ZNF160: variants seen among roughly 807,000 people sequenced by gnomAD.
The protein encoded by ZNF160 is zinc finger protein 160, also known as KRAB zinc finger protein KR18.
Under a neutral mutation model 13.1 loss-of-function variants are expected in ZNF160, and 9 were observed. The ratio of observed to expected loss-of-function variants is 0.69; its 90% CI spans 0.41 to 1.20. The LOEUF (loss-of-function observed/expected upper bound fraction) is 1.20. Ranked by LOEUF, ZNF160 falls within the 50% of genes most tolerant of loss-of-function variation. The pLI is 0.01. For synonymous variants in ZNF160, 293 were observed against 333.2 expected, an observed-to-expected ratio of 0.88 and a Z score of 1.31; for missense variants, 838 against 988.0, an observed-to-expected ratio of 0.85 and a Z score of 2.04.
intron 3 of ZNF160, among the ~76,000 whole-genome samples, chr19:53,079,549 T>TAA (rs56752437): frequency 4.0e-5 from 4 of 100,384 alleles, no homozygotes; most frequent in East Asian, 3.1e-4. Context: ...AAACTCCATC[T>TAA]AAAAAAAAAA....
chr19:53,074,359 A>C, intron 4 of ZNF160, 91 bp from the exon 5 acceptor site: 2 of 1,528,312 alleles, frequency 1.3e-6, no homozygotes, highest in Non-Finnish European at 1.8e-6. Flanking sequence ...ATGTGGATCT[A>C]AGAAAACTTC....
intron 2 of ZNF160, among the ~76,000 whole-genome samples, chr19:53,088,844 C>T (rs1371919247): frequency 2.0e-5 from 3 of 152,144 alleles, no homozygotes; most frequent in African/African-American, 4.8e-5. Context: ...TCAATTCTGA[C>T]ACCGTCTACA....
Position 53,085,215 on chromosome 19 carries a change from T to G in ZNF160, c.15+1047A>C. On this transcript the variant is annotated intron_variant, in intron 3 of 5. Transcript: ENST00000683776. ...AAGGATGTAGAAAAGTGAGCTCCTG[T>G]TTCCTAACACGAAAACATGTCAATG... The G allele has an allele frequency of 4.1e-6, 4 of 985,416 alleles. No homozygotes were observed. In the South Asian group the frequency reaches 1.9e-4, roughly 46 times the overall value. 61.0% of individuals were successfully genotyped at this position (985,416 alleles called of 1,614,324 possible).
intron 2 of ZNF160, among the ~76,000 whole-genome samples, chr19:53,090,253 C>G (rs1005610833): frequency 6.6e-6 from 1 of 152,108 alleles, no homozygotes; most frequent in East Asian, 1.9e-4. Flanking sequence ...GAGCCTCCCC[C>G]TTTCTGCCCC....
At chr19:53,076,121 C>T (rs2084377837) in intron 3 of ZNF160, among the ~76,000 whole-genome samples, 2 of 152,172 alleles carry the variant, frequency 1.3e-5, no homozygotes, top group Non-Finnish European at 2.9e-5. Flanking sequence ...GCATTAAGGA[C>T]TTTTGAGCAA....
Position 53,069,419 on chromosome 19 carries a change from T to C in ZNF160, c.1115A>G (p.Asn372Ser). The change falls in exon 6 of 6, where the codon AAT becomes AGT. Residue 372 changes from asparagine (N) to serine (S), a missense_variant. Physicochemically the swap from Asn to Ser is conservative, Grantham distance 46. This residue lies in a region of ZNF160 where 400 missense variants were observed against 538.9 expected (regional missense o/e 0.74). Transcript: ENST00000683776. This position sits in a 1 kb window ranked among gnomAD's most constrained non-coding sequence, Gnocchi z 4.4. ...IHTGEKPFKC[N>S]ECGKLFTQNS... Reference sequence around the variant, plus strand: ...TTGAGTGAAGAGCTTGCCACATTCATTACATTTGAACGGTTTTTCTCCAGT... The same window carrying C: ...TTGAGTGAAGAGCTTGCCACATTCACTACATTTGAACGGTTTTTCTCCAGT... The C allele has an allele frequency of 6.2e-7, 1 of 1,614,134 alleles. No homozygotes were observed. The highest frequency in any genetic ancestry group is 8.5e-7 in the Non-Finnish European group (1 of 1,180,028).
chr19:53,075,367 T>C, intron 3 of ZNF160, 184 bp from the exon 4 acceptor site: 1 of 651,146 alleles, frequency 1.5e-6, no homozygotes, highest in Non-Finnish European at 2.6e-6. Flanking sequence ...AAGAGCTCAC[T>C]TGAAATCAGT....
intron 2 of ZNF160, among the ~76,000 whole-genome samples, chr19:53,087,853 A>G (rs375709332): frequency 1.7e-4 from 26 of 152,336 alleles, no homozygotes; most frequent in African/African-American, 6.3e-4. Context: ...TGCCCAGCCA[A>G]GAAGTCACTT....
At chr19:53,086,159 A>ACATGTCAGG in intron 3 of ZNF160, 103 bp downstream of exon 3, 1 of 1,395,512 alleles carries the variant, frequency 7.2e-7, no homozygotes, top group Non-Finnish European at 1.0e-6. Context: ...GTGCTAGCAA[A>ACATGTCAGG]CATGTCAGGC....
chr19:53,093,235 T>C (rs1410468377), intron 1 of ZNF160, among the ~76,000 whole-genome samples: 1 of 151,460 alleles, frequency 6.6e-6, no homozygotes, highest in African/African-American at 2.4e-5. Flanking sequence ...AGGTCAGGAG[T>C]TCAAAACAAG....
chr19:53,070,373 G>T, intron 5 of ZNF160, 111 bp from the exon 6 acceptor site: 2 of 1,138,180 alleles, frequency 1.8e-6, no homozygotes. Context: ...AACAGACTTT[G>T]GAACTTCAGA....
chr19:53,086,771 TA>T (rs34650344), intron 2 of ZNF160, among the ~76,000 whole-genome samples: 12,951 of 152,214 alleles, frequency 0.085, 698 homozygotes, highest in South Asian at 0.14. Context: ...AGCTGGGCTC[TA>T]AAACACTGAA....
chr19:53,074,109 T>C (rs774992605), intron 5 of ZNF160, 31 bp downstream of exon 5: 6 of 1,607,490 alleles, frequency 3.7e-6, no homozygotes, highest in Middle Eastern at 1.7e-4. Flanking sequence ...AGTTAATGAG[T>C]GGCCTTCTCT....
intron 2 of ZNF160, chr19:53,091,116 A>T (rs2085019051): frequency 6.6e-6 from 1 of 152,252 alleles, no homozygotes; most frequent in Non-Finnish European, 1.5e-5. Context: ...ATCCCAGCCG[A>T]AGCGGGAGGA....
At chr19:53,090,729 G>T (rs1214163122) in intron 2 of ZNF160, among the ~76,000 whole-genome samples, 1 of 152,150 alleles carries the variant, frequency 6.6e-6, no homozygotes, top group Non-Finnish European at 1.5e-5. Context: ...GGAGGGGTGG[G>T]ATCTGTGGAA....
At chr19:53,080,394 C>T (rs1029692754) in intron 3 of ZNF160, among the ~76,000 whole-genome samples, 7 of 152,112 alleles carry the variant, frequency 4.6e-5, no homozygotes, top group South Asian at 2.1e-4. Context: ...CCACTGTGCC[C>T]GGCCCAGTCA....
intron 3 of ZNF160, among the ~76,000 whole-genome samples, chr19:53,082,756 G>A (rs577504543): frequency 9.9e-5 from 15 of 152,272 alleles, no homozygotes; most frequent in African/African-American, 2.9e-4. Context: ...AGCAGACACC[G>A]CCTGGGTATC....
intron 3 of ZNF160, among the ~76,000 whole-genome samples, chr19:53,078,996 A>C (rs11670859): frequency 0.054 from 8,225 of 152,276 alleles, 296 homozygotes; most frequent in Non-Finnish European, 0.075. Flanking sequence ...TATGACAAGG[A>C]AACAAAAGTG....
intron 5 of ZNF160, among the ~76,000 whole-genome samples, chr19:53,072,031 C>T (rs906290555): frequency 2.6e-5 from 4 of 151,770 alleles, no homozygotes; most frequent in Non-Finnish European, 5.9e-5. Context: ...TGTTATATAA[C>T]TATCTATATC....
Sources: allele counts gnomAD v4.1 joint callset (sites outside exome capture counted in the v4.1 genomes callset), GRCh38; gene constraint gnomAD v4.1.1; regional missense constraint gnomAD v4.1.1; non-coding constraint Gnocchi (gnomAD v3.1); transcripts MANE v1.5; gene names NCBI Gene and HGNC (gene_info 2026-07-23, HGNC 2026-07-21).